Variants in PGAP2 observed in about 807,000 individuals in gnomAD.
The protein encoded by PGAP2 is acyltransferase PGAP2.
In PGAP2, 21 loss-of-function variants were observed where a neutral mutation model predicts 33.2. The observed-to-expected ratio is 0.63, with a 90% CI of 0.45 to 0.91. The LOEUF is 0.91. Ranked by LOEUF, PGAP2 falls within the 40% of genes least tolerant of loss-of-function variation. The pLI, the probability that PGAP2 is intolerant of heterozygous loss-of-function variation, is 0.00. For missense variants in PGAP2, 345 were observed against 424.0 expected (o/e 0.81, Z 1.64); for synonymous variants, 161 against 172.9 (o/e 0.93, Z 0.54).
chr11:3,819,620 CA>C (rs2088024868), intron 3 of PGAP2, among the ~76,000 whole-genome samples: 1 of 152,038 alleles, frequency 6.6e-6, no homozygotes, highest in South Asian at 2.1e-4. Context: ...TGCTTTATAC[CA>C]TATGAGTTTC....
chr11:3,826,358 G>T lies in PGAP2; in HGVS notation c.*900G>T, dbSNP rs2135122983. On this transcript the variant is annotated 3_prime_UTR_variant, in exon 7 of 7. Coordinates refer to ENST00000278243, the MANE Select transcript of PGAP2 (RefSeq NM_014489.4). ...AAATTTTTTTTTTGGGCCAACAGTT[G>T]CCTAGGCTTGCTAGTCTTGGGGCTC... 1 of 152,094 alleles carries T rather than the reference G, an allele frequency of 6.6e-6. No homozygotes were observed. Among genetic ancestry groups the T allele is most frequent in the East Asian group, 1.9e-4 (1 of 5,168 alleles). The allele number at this position is 152,094 out of a possible 1,614,324, so 9.4% of individuals were successfully genotyped here.
chr11:3,807,309 G>GTTT (rs200578138), upstream of PGAP2, among the ~76,000 whole-genome samples: 35 of 114,742 alleles, frequency 3.1e-4, no homozygotes, highest in Non-Finnish European at 4.3e-4. Flanking sequence ...ATTTTCACAG[G>GTTT]TTTTTTTTTT....
chr11:3,823,025 T>TTTTTTTTTTC (rs2089219671), intron 3 of PGAP2: 1 of 87,640 alleles, frequency 1.1e-5, no homozygotes, highest in Admixed American at 1.5e-4. Context: ...TTTTCTTTTC[T>TTTTTTTTTTC]TTTTTTTTTT....
At chr11:3,822,439 G>A (rs528095601) in intron 3 of PGAP2, among the ~76,000 whole-genome samples, 1 of 152,214 alleles carries the variant, frequency 6.6e-6, no homozygotes, top group African/African-American at 2.4e-5. Flanking sequence ...GGGAGGCCAA[G>A]GCAGATGGAT....
chr11:3,798,006 C>T (rs1006454438), intron 1 of PGAP2: 52 of 1,535,416 alleles, frequency 3.4e-5, no homozygotes, highest in Non-Finnish European at 4.4e-5. Flanking sequence ...CCTTTCCTTG[C>T]CCCGGTCCGC....
intron 1 of PGAP2, among the ~76,000 whole-genome samples, chr11:3,810,992 C>T (rs2085435712): frequency 6.6e-6 from 1 of 152,176 alleles, no homozygotes; most frequent in Non-Finnish European, 1.5e-5. Flanking sequence ...AGAAGCTCTC[C>T]CAGTCCATTC....
intron 3 of PGAP2, 33 bp downstream of exon 3, chr11:3,817,568 G>T: frequency 6.3e-7 from 1 of 1,583,470 alleles, no homozygotes; most frequent in Non-Finnish European, 8.7e-7. Context: ...CTGGGTCAGG[G>T]CCAGGTCAGG....
chr11:3,797,760 G>A, upstream of PGAP2: 13 of 1,491,738 alleles, frequency 8.7e-6, no homozygotes, highest in Non-Finnish European at 1.0e-5. Context: ...GCGGTGAGAG[G>A]GCCGTGGAGT....
In PGAP2 at chr11:3,825,155, G is replaced by A. The variant is rs757153613; in HGVS notation, c.817+27G>A. On this transcript the variant is annotated intron_variant, in intron 6 of 6. Coordinates refer to ENST00000278243, the MANE Select transcript of PGAP2 (RefSeq NM_014489.4). Reference sequence around the variant, plus strand: ...TGAGGCCAGGATAGGATCCACAGGCGGTCATGAGTGGCTGCGGGGCAGCAA... The same window carrying A: ...TGAGGCCAGGATAGGATCCACAGGCAGTCATGAGTGGCTGCGGGGCAGCAA... 49 of 1,606,328 alleles carry A rather than the reference G, an allele frequency of 3.1e-5. 1 individual carries two copies. The highest frequency in any genetic ancestry group is 9.9e-5 in the South Asian group (9 of 90,938).
intron 1 of PGAP2, among the ~76,000 whole-genome samples, chr11:3,802,076 C>CTTTTTTTTT (rs3061897): frequency 9.5e-5 from 13 of 137,136 alleles, no homozygotes; most frequent in Non-Finnish European, 1.5e-4. Flanking sequence ...TTTCCTTTTC[C>CTTTTTTTTT]TTTTTTTTTT....
rs1162652415 is a variant in PGAP2 at position 3,823,890 on chromosome 11, A to G, written c.356A>G (p.Asn119Ser). The G allele has an allele frequency of 6.2e-7, 1 of 1,603,298 alleles. No individual in the cohort carries two copies. The highest frequency in any genetic ancestry group is 2.2e-5 in the East Asian group (1 of 44,872). Residue 119 changes from asparagine to serine, a missense_variant, in exon 4 of 7, where the codon AAT (asparagine) becomes AGT (serine). Coordinates refer to ENST00000278243, the MANE Select transcript of PGAP2 (RefSeq NM_014489.4). ...CAGGTCACAACTCTCTAGGTGCCCA[A>G]TTACCTGCCCTCGGTGAGCTCAGCC... is the stretch of plus-strand genomic sequence containing the variant. ...YTVATDCGVP[N>S]YLPSVSSAIG...
At chr11:3,818,593 C>T (rs1268563118) in intron 3 of PGAP2, among the ~76,000 whole-genome samples, 3 of 152,158 alleles carry the variant, frequency 2.0e-5, no homozygotes, top group African/African-American at 7.2e-5. Flanking sequence ...ACTGGCAGCC[C>T]CAGGCCCCAC....
intron 2 of PGAP2, among the ~76,000 whole-genome samples, chr11:3,813,708 T>C (rs2086110993): frequency 6.6e-6 from 1 of 152,108 alleles, no homozygotes; most frequent in Admixed American, 6.6e-5. Context: ...GAATAAATGA[T>C]TAAGACTCCC....
chr11:3,802,913 G>T (rs1459193216), intron 1 of PGAP2, among the ~76,000 whole-genome samples: 1 of 147,650 alleles, frequency 6.8e-6, no homozygotes, highest in Admixed American at 6.9e-5. Flanking sequence ...TGCAAGCTCC[G>T]CCTCCCGGGT....
intron 1 of PGAP2, among the ~76,000 whole-genome samples, chr11:3,798,885 C>T (rs1374810294): frequency 6.6e-6 from 1 of 152,124 alleles, no homozygotes; most frequent in African/African-American, 2.4e-5. Context: ...TCAGGTGATC[C>T]GCCCGCCTCG....
Position 3,825,308 on chromosome 11 carries a change from TC to T in PGAP2, c.818-18del, listed in dbSNP as rs764086624. The T allele has an allele frequency of 4.3e-6, 7 of 1,610,804 alleles. No individual in the cohort carries two copies. The African/African-American group carries it at 8.0e-5, about 18-fold the overall frequency. On this transcript the variant is annotated intron_variant, in intron 6 of 6. Coordinates refer to ENST00000278243, the MANE Select transcript of PGAP2 (RefSeq NM_014489.4). ...TAGCTGGAAGTTCACCATGTCCTGT[TC>T]CTTGTGTCCTCACAACAGTGTACAC...
rs759419421 is a variant in PGAP2, at chr11:3,819,269, G to C, written c.348+1734G>C. On this transcript the variant is annotated intron_variant, in intron 3 of 6. Transcript: ENST00000278243. ...GGGTTTTGCCATGTTGTGTAGGCTG[G>C]AGATTTGTGCTTCAGAAGACCACTC... Among the ~76,000 whole-genome samples, 26 of 152,048 alleles carry C rather than the reference G, an allele frequency of 1.7e-4. 1 individual carries two copies. Among genetic ancestry groups the C allele is most frequent in the Non-Finnish European group, 3.2e-4 (22 of 68,002 alleles).
At chr11:3,810,234 C>A (rs2085268076) in intron 1 of PGAP2, among the ~76,000 whole-genome samples, 2 of 152,152 alleles carry the variant, frequency 1.3e-5, no homozygotes, top group African/African-American at 4.8e-5. Flanking sequence ...TGAACAGGTG[C>A]CTCTTCTGCC....
At chr11:3,812,300 G>T (rs2085754418) in intron 2 of PGAP2, among the ~76,000 whole-genome samples, 1 of 152,144 alleles carries the variant, frequency 6.6e-6, no homozygotes, top group African/African-American at 2.4e-5. Flanking sequence ...ATGGGGGTAT[G>T]CACCTGTAGT....
Sources: allele counts gnomAD v4.1 joint callset (sites outside exome capture counted in the v4.1 genomes callset), GRCh38; gene constraint gnomAD v4.1.1; transcripts MANE v1.5; gene names NCBI Gene and HGNC (gene_info 2026-07-23, HGNC 2026-07-21).